Variants in ZBTB20 observed in about 807,000 individuals in gnomAD.
The protein encoded by ZBTB20 is zinc finger and BTB domain-containing protein 20.
A neutral mutation model predicts 56.9 loss-of-function variants in ZBTB20; 9 were observed. That is an observed-to-expected ratio of 0.16 (90% CI 0.10 to 0.28). The LOEUF (loss-of-function observed/expected upper bound fraction) is 0.28, where lower values mean the gene tolerates loss of function less well. ZBTB20 is among the 10% of genes least tolerant of loss of function. The pLI is 1.00. For missense variants in ZBTB20, 655 were observed against 1,003.0 expected (o/e 0.65, Z 4.69); for synonymous variants, 417 against 420.7 (o/e 0.99, Z 0.11).
At chr3:114,713,228 T>G (rs950516183) in intron 5 of ZBTB20, among the ~76,000 whole-genome samples, 1 of 152,130 alleles carries the variant, frequency 6.6e-6, no homozygotes. Flanking sequence ...GACAATTTCA[T>G]TTTCTTCAGA....
At chr3:114,571,249 C>T (rs765773242) in intron 6 of ZBTB20, among the ~76,000 whole-genome samples, 1 of 152,126 alleles carries the variant, frequency 6.6e-6, no homozygotes, top group Non-Finnish European at 1.5e-5. Flanking sequence ...GCGTTTAACA[C>T]TTTGCACTTC....
rs1384827357 is a variant in ZBTB20, at chr3:114,703,261, G to A, written c.-342-9686C>T. The stretch of plus-strand genomic sequence containing the variant: ...TTGGAGCAGAAGTTAGGAGGAACAC[G>A]TATTCTGGTCCCTCTTCTCTCATCC... On this transcript the variant is annotated intron_variant, in intron 5 of 11. Coordinates refer to ENST00000675478, the MANE Select transcript of ZBTB20 (RefSeq NM_001348800.3). Among the ~76,000 whole-genome samples the A allele has an allele frequency of 3.9e-5, 6 of 152,056 alleles. No individual in the cohort carries two copies. The South Asian group carries it at 6.2e-4, about 16-fold the overall frequency.
chr3:114,758,522 G>A (rs1274417998), intron 5 of ZBTB20, among the ~76,000 whole-genome samples: 1 of 152,130 alleles, frequency 6.6e-6, no homozygotes, highest in East Asian at 1.9e-4. Flanking sequence ...ACCCAAATAT[G>A]TTCGAAACAC....
rs1459725885 is a variant in ZBTB20, at chr3:114,327,385, T to C, written c.*11620A>G. The C allele has an allele frequency of 6.6e-6, 1 of 152,078 alleles. No individual in the cohort carries two copies. Among genetic ancestry groups the C allele is most frequent in the Non-Finnish European group, 1.5e-5 (1 of 68,018 alleles). The allele number at this position is 152,078 out of a possible 1,614,324, so 9.4% of individuals were successfully genotyped here. On this transcript the variant is annotated 3_prime_UTR_variant, in exon 12 of 12. Transcript: ENST00000675478. ...CAGCATTTTAGGATTTAAAAGAGTCTTTCTTCCTTTGGAAGCCAGTGCCTA... is the reference window on the plus strand; with the variant it reads ...CAGCATTTTAGGATTTAAAAGAGTCCTTCTTCCTTTGGAAGCCAGTGCCTA...
chr3:114,399,469 G>A (rs115920204), intron 7 of ZBTB20, among the ~76,000 whole-genome samples: 2,710 of 152,198 alleles, frequency 0.018, 39 homozygotes, highest in South Asian at 0.059. Context: ...GTTAAAATTC[G>A]TAACAGTGTA....
chr3:114,915,351 A>T (rs1198132114), intron 3 of ZBTB20, among the ~76,000 whole-genome samples: 2 of 151,798 alleles, frequency 1.3e-5, no homozygotes, highest in African/African-American at 4.8e-5. Context: ...CAATTTATTT[A>T]CATGTATTAA....
chr3:114,937,443 A>G (rs1259546293), intron 3 of ZBTB20, among the ~76,000 whole-genome samples: 2 of 147,754 alleles, frequency 1.4e-5, no homozygotes, highest in East Asian at 4.0e-4. Flanking sequence ...TTTTTTTTAG[A>G]TGGAGTCTCG....
At chr3:114,877,779 T>C (rs2076252892) in intron 4 of ZBTB20, among the ~76,000 whole-genome samples, 1 of 151,898 alleles carries the variant, frequency 6.6e-6, no homozygotes, top group South Asian at 2.1e-4. Context: ...ATACACCTGC[T>C]TTTTTTTCTA....
At chr3:114,496,387 C>T (rs1367704525) in intron 7 of ZBTB20, among the ~76,000 whole-genome samples, 1 of 152,160 alleles carries the variant, frequency 6.6e-6, no homozygotes, top group Non-Finnish European at 1.5e-5. Flanking sequence ...GCCTGGAATG[C>T]AGCCCACTGT....
rs115089039 is a variant in ZBTB20, at chr3:115,062,128, C to T, written c.-507+9091G>A. 5.0e-3 allele frequency among the ~76,000 whole-genome samples: 759 copies of T among 152,272 alleles called. 8 individuals are homozygous for T. The highest frequency in any genetic ancestry group is 0.017 in the African/African-American group (726 of 41,552). Reference sequence around the variant, plus strand: ...CCAACAACTCCTATTATGCCAGTTACCAGCATTGCCAGCCCCTTTGCCCTT... The same window carrying T: ...CCAACAACTCCTATTATGCCAGTTATCAGCATTGCCAGCCCCTTTGCCCTT... On this transcript the variant is annotated intron_variant, in intron 2 of 11. Coordinates refer to ENST00000675478, the MANE Select transcript of ZBTB20 (RefSeq NM_001348800.3).
At chr3:114,346,537 C>A (rs150854332) in intron 11 of ZBTB20, among the ~76,000 whole-genome samples, 91 of 152,180 alleles carry the variant, frequency 6.0e-4, no homozygotes, top group Non-Finnish European at 9.4e-4. Context: ...AATTACAGTA[C>A]AATCGTCTTT....
intron 5 of ZBTB20, among the ~76,000 whole-genome samples, chr3:114,786,979 T>C (rs1338876846): frequency 6.6e-6 from 1 of 151,914 alleles, no homozygotes; most frequent in Non-Finnish European, 1.5e-5. Flanking sequence ...TATGAAAGAA[T>C]ATTTTATTTT....
intron 3 of ZBTB20, among the ~76,000 whole-genome samples, chr3:114,945,796 T>C (rs575361058): frequency 6.9e-6 from 1 of 145,100 alleles, no homozygotes; most frequent in African/African-American, 2.8e-5. Flanking sequence ...GCAGGACACA[T>C]ACCTTAAAAG....
chr3:114,367,640 T>TTAA (rs2082556237), intron 10 of ZBTB20, among the ~76,000 whole-genome samples: 1 of 152,188 alleles, frequency 6.6e-6, no homozygotes, highest in Non-Finnish European at 1.5e-5. Flanking sequence ...TGCTATAATA[T>TTAA]TAATAACACT....
intron 7 of ZBTB20, among the ~76,000 whole-genome samples, chr3:114,484,820 C>CGT (rs71297434): frequency 2.0e-5 from 3 of 151,120 alleles, no homozygotes; most frequent in Non-Finnish European, 4.4e-5. Flanking sequence ...TGTGTGTGTG[C>CGT]GCGTGCATGT....
chr3:114,425,645 C>G (rs964670509), intron 7 of ZBTB20, among the ~76,000 whole-genome samples: 1 of 152,072 alleles, frequency 6.6e-6, no homozygotes, highest in African/African-American at 2.4e-5. Context: ...ATAGTTTTTT[C>G]TTCTTATACT....
chr3:114,945,558 TAGCA>T (rs2076856699), intron 3 of ZBTB20, among the ~76,000 whole-genome samples: 1 of 144,310 alleles, frequency 6.9e-6, no homozygotes, highest in Non-Finnish European at 1.5e-5. Context: ...AATACGTAAT[TAGCA>T]AGTTAAAAGA....
At chr3:114,461,302 C>CT (rs1336129979) in intron 7 of ZBTB20, among the ~76,000 whole-genome samples, 2 of 150,722 alleles carry the variant, frequency 1.3e-5, no homozygotes, top group East Asian at 3.9e-4. Flanking sequence ...CTCCTCCCCC[C>CT]CCCCTCTTTT....
At chr3:114,400,077 A>C (rs979530531) in intron 7 of ZBTB20, among the ~76,000 whole-genome samples, 11 of 152,064 alleles carry the variant, frequency 7.2e-5, no homozygotes, top group South Asian at 2.1e-4. Context: ...TTTTTTCCCC[A>C]AAAAATGCCA....
Sources: gnomAD v4.1 joint callset for allele counts (sites outside exome capture counted in the v4.1 genomes callset) on GRCh38, gnomAD v4.1.1 for gene constraint, MANE v1.5 for transcripts, NCBI Gene and HGNC (gene_info 2026-07-23, HGNC 2026-07-21) for gene names.